The following SOX5 variants were observed in gnomAD, a reference collection of about 807,000 sequenced individuals.
SOX5 encodes the protein transcription factor SOX-5.
SOX5 carries 9 observed loss-of-function variants against 92.0 expected under a neutral mutation model. That is an observed-to-expected ratio of 0.10 (90% CI 0.06 to 0.17). The LOEUF (loss-of-function observed/expected upper bound fraction) is 0.17. Among genes scored for constraint, SOX5 ranks in the 10% least tolerant of loss-of-function variants. The pLI is 1.00. For missense variants in SOX5, 642 were observed against 944.5 expected, an observed-to-expected ratio of 0.68 and a Z score of 4.20; for synonymous variants, 344 against 336.3, an observed-to-expected ratio of 1.02 and a Z score of -0.25.
At chr12:23,717,849 C>T (rs2092598268) in intron 6 of SOX5, among the ~76,000 whole-genome samples, 1 of 152,170 alleles carries the variant, frequency 6.6e-6, no homozygotes, top group South Asian at 2.1e-4. Flanking sequence ...AGTTTTATAA[C>T]TATATTCCAG....
chr12:24,076,349 A>T (rs1400018183), intron 4 of SOX5, among the ~76,000 whole-genome samples: 1 of 152,112 alleles, frequency 6.6e-6, no homozygotes, highest in Non-Finnish European at 1.5e-5. Flanking sequence ...CCATGCTCTC[A>T]TTTACTTACT....
Position 23,813,936 on chromosome 12 carries a change from G to A in SOX5, c.481+32047C>T, listed in dbSNP as rs778377584. ...CTGTCATATGCGGCAAAATAAGGGC[G>A]ATATTTTTTCATTAATATCACAATG... On this transcript the variant is annotated intron_variant, in intron 3 of 14. Coordinates refer to ENST00000451604, the MANE Select transcript of SOX5 (RefSeq NM_006940.6). 5.9e-5 allele frequency among the ~76,000 whole-genome samples: 9 copies of A among 152,050 alleles called. No homozygotes were observed. The East Asian group carries it at 9.7e-4, about 16-fold the overall frequency.
upstream of SOX5, among the ~76,000 whole-genome samples, chr12:23,954,050 C>A (rs906579908): frequency 6.6e-6 from 1 of 151,990 alleles, no homozygotes; most frequent in Non-Finnish European, 1.5e-5. Flanking sequence ...AATTTAACCC[C>A]TTTTCAGGTA....
chr12:23,635,354 T>G (rs2079087380), intron 8 of SOX5, among the ~76,000 whole-genome samples: 1 of 152,146 alleles, frequency 6.6e-6, no homozygotes, highest in Non-Finnish European at 1.5e-5. Context: ...GACAAAATTT[T>G]CTAAAATCAG....
At chr12:24,239,765 A>T (rs1232257868) in intron 3 of SOX5, among the ~76,000 whole-genome samples, 2 of 152,218 alleles carry the variant, frequency 1.3e-5, no homozygotes, top group African/African-American at 4.8e-5. Context: ...TTCTGCCAGG[A>T]AGAGTCTCAT....
rs145452108 is a variant in SOX5, at chr12:24,129,878, A to G, written c.-2+83465T>C. Among the ~76,000 whole-genome samples, 480 of 152,320 alleles carry G rather than the reference A, an allele frequency of 3.2e-3. 1 individual carries two copies. The highest frequency in any genetic ancestry group is 0.01 in the Middle Eastern group (3 of 294). ...ACGTTAGAGTTTTAGGTTTTTGTCC[A>G]TTTGTTTTATTTTCTTTTAGAGGAG... On this transcript the variant is annotated intron_variant, in intron 4 of 4. Coordinates refer to the SOX5 transcript ENST00000446891.
At chr12:23,725,797 G>T (rs2093078313) in intron 6 of SOX5, among the ~76,000 whole-genome samples, 2 of 152,110 alleles carry the variant, frequency 1.3e-5, no homozygotes, top group South Asian at 4.1e-4. Context: ...ATAAGACTGG[G>T]AATAAGAAAT....
intron 7 of SOX5, among the ~76,000 whole-genome samples, chr12:23,662,975 T>C (rs1298614553): frequency 6.6e-6 from 1 of 152,162 alleles, no homozygotes; most frequent in Admixed American, 6.6e-5. Context: ...AAGTCACAAA[T>C]GGTTGACAAC....
chr12:24,451,296 C>T (rs990420313), intron 1 of SOX5, among the ~76,000 whole-genome samples: 4 of 152,136 alleles, frequency 2.6e-5, no homozygotes, highest in African/African-American at 9.7e-5. Flanking sequence ...TGATTCCTTT[C>T]TTATGGATAT....
At chr12:24,125,217 T>C (rs998466705) in intron 4 of SOX5, among the ~76,000 whole-genome samples, 1 of 152,196 alleles carries the variant, frequency 6.6e-6, no homozygotes, top group Non-Finnish European at 1.5e-5. Flanking sequence ...TCATGAAGGA[T>C]ATAAAGATCT....
In SOX5 at chr12:24,327,873, G is replaced by A. The variant is rs1950895011; in HGVS notation, c.-174+40690C>T. On this transcript the variant is annotated intron_variant, in intron 2 of 4. Coordinates refer to the SOX5 transcript ENST00000446891. ...TCCCATAATTTCGTATTTTTTTTTT[G>A]GTAGAGCTGGGTTTCACCATGTTGG... 2.0e-5 allele frequency among the ~76,000 whole-genome samples: 3 copies of A among 150,106 alleles called. No homozygotes were observed. The South Asian group carries it at 6.3e-4, about 31-fold the overall frequency.
chr12:24,294,048 C>T (rs1171195690), intron 2 of SOX5, among the ~76,000 whole-genome samples: 1 of 152,162 alleles, frequency 6.6e-6, no homozygotes, highest in Non-Finnish European at 1.5e-5. Flanking sequence ...ATCTGGAAGT[C>T]GCTGCTGCAA....
At chr12:23,935,437 A>C (rs1488903133) in intron 1 of SOX5, among the ~76,000 whole-genome samples, 1 of 151,254 alleles carries the variant, frequency 6.6e-6, no homozygotes, top group Non-Finnish European at 1.5e-5. Flanking sequence ...CAAATCAGAT[A>C]AACTTTTTAA....
At chr12:23,984,078 A>C (rs1949844279) in intron 4 of SOX5, among the ~76,000 whole-genome samples, 1 of 152,018 alleles carries the variant, frequency 6.6e-6, no homozygotes, top group Non-Finnish European at 1.5e-5. Flanking sequence ...TTCTCTCAAT[A>C]CTTCATTCCT....
chr12:23,631,773 C>T (rs1424960881), intron 8 of SOX5, among the ~76,000 whole-genome samples: 1 of 152,090 alleles, frequency 6.6e-6, no homozygotes, highest in African/African-American at 2.4e-5. Context: ...GAAAAACACA[C>T]GTGTACTGAT....
At chr12:23,952,364 C>A (rs1945768575), upstream of SOX5, among the ~76,000 whole-genome samples, 1 of 152,168 alleles carries the variant, frequency 6.6e-6, no homozygotes, top group East Asian at 1.9e-4. Context: ...TTCTTTGAAA[C>A]TCTAATCTAG....
At chr12:23,577,146 T>TAC (rs1486311366) in intron 9 of SOX5, among the ~76,000 whole-genome samples, 2 of 113,234 alleles carry the variant, frequency 1.8e-5, no homozygotes, top group Non-Finnish European at 3.7e-5. Flanking sequence ...TTTATATATA[T>TAC]ATATACACAC....
chr12:23,996,381 A>T (rs1321549700), intron 4 of SOX5, among the ~76,000 whole-genome samples: 1 of 152,192 alleles, frequency 6.6e-6, no homozygotes, highest in Non-Finnish European at 1.5e-5. Context: ...ACACTTATAC[A>T]TTGCCGGTGG....
chr12:23,721,078 TTTA>T (rs1375879743), intron 6 of SOX5, among the ~76,000 whole-genome samples: 13 of 151,428 alleles, frequency 8.6e-5, no homozygotes, highest in Non-Finnish European at 2.9e-5. Flanking sequence ...AATTATTTTA[TTTA>T]TTTATTTATT....
Sources: allele counts gnomAD v4.1 joint callset (sites outside exome capture counted in the v4.1 genomes callset), GRCh38; gene constraint gnomAD v4.1.1; transcripts MANE v1.5; gene names NCBI Gene and HGNC (gene_info 2026-07-23, HGNC 2026-07-21).